PTPRN2: variants seen among roughly 807,000 people sequenced by gnomAD.
The protein encoded by PTPRN2 is protein tyrosine phosphatase receptor type N2.
Under a neutral mutation model 118.8 loss-of-function variants are expected in PTPRN2, and 74 were observed. That is an observed-to-expected ratio of 0.62 (90% CI 0.52 to 0.76). PTPRN2 has a LOEUF of 0.76. Ranked by LOEUF, PTPRN2 falls within the 30% of genes least tolerant of loss-of-function variation. PTPRN2 has a pLI of 0.00. For missense variants in PTPRN2, 1,481 were observed against 1,394.4 expected (o/e 1.06, Z -0.99); for synonymous variants, 641 against 608.0 (o/e 1.05, Z -0.80).
At chr7:158,229,877 C>T (rs2150819649) in intron 3 of PTPRN2, among the ~76,000 whole-genome samples, 1 of 152,080 alleles carries the variant, frequency 6.6e-6, no homozygotes, top group East Asian at 1.9e-4. Context: ...ACATAAACAT[C>T]TAGGTACAGG....
At chr7:157,851,336 A>G (rs1809260507) in intron 12 of PTPRN2, among the ~76,000 whole-genome samples, 1 of 152,258 alleles carries the variant, frequency 6.6e-6, no homozygotes, top group African/African-American at 2.4e-5. Flanking sequence ...CATAACAGGC[A>G]TTTGAACATT....
intron 6 of PTPRN2, among the ~76,000 whole-genome samples, chr7:158,165,346 C>T (rs555985822): frequency 3.2e-4 from 49 of 152,296 alleles, no homozygotes; most frequent in African/African-American, 1.1e-3. Context: ...CCACTCCAGG[C>T]GGGCAGCTCC....
chr7:158,448,422 T>C (rs961963517), intron 2 of PTPRN2, among the ~76,000 whole-genome samples: 1 of 151,638 alleles, frequency 6.6e-6, no homozygotes, highest in Non-Finnish European at 1.5e-5. Flanking sequence ...GTTTCCACAC[T>C]GCTTTCATCA....
At chr7:158,528,613 C>T (rs529245180) in intron 1 of PTPRN2, among the ~76,000 whole-genome samples, 221 of 150,602 alleles carry the variant, frequency 1.5e-3, no homozygotes, top group Non-Finnish European at 2.6e-3. Context: ...GGTGAAACCC[C>T]GTCTCTACTA....
chr7:158,376,657 AT>A, intron 2 of PTPRN2, among the ~76,000 whole-genome samples: 1 of 85,144 alleles, frequency 1.2e-5, no homozygotes, highest in African/African-American at 5.0e-5. Flanking sequence ...CACGTCCTGC[AT>A]GCGGGGTCAG....
intron 11 of PTPRN2, among the ~76,000 whole-genome samples, chr7:157,967,268 C>T (rs1802014512): frequency 6.6e-6 from 1 of 152,196 alleles, no homozygotes; most frequent in Non-Finnish European, 1.5e-5. Context: ...TGTGATTGTG[C>T]CACTGCACTC....
intron 2 of PTPRN2, among the ~76,000 whole-genome samples, chr7:158,435,980 G>A (rs113798078): frequency 6.6e-6 from 1 of 152,144 alleles, no homozygotes; most frequent in South Asian, 2.1e-4. Context: ...CAGGATGAAC[G>A]AGTGCTAGAG....
chr7:157,556,554 T>C (rs1798894962), intron 21 of PTPRN2, among the ~76,000 whole-genome samples: 1 of 147,196 alleles, frequency 6.8e-6, no homozygotes, highest in African/African-American at 2.5e-5. Context: ...CCTCACGTCA[T>C]ACATATGTAC....
intron 2 of PTPRN2, among the ~76,000 whole-genome samples, chr7:158,440,526 TGTG>T (rs771480072): frequency 1.3e-4 from 20 of 150,828 alleles, no homozygotes; most frequent in Non-Finnish European, 2.2e-4. Flanking sequence ...ATAGTGGTGA[TGTG>T]GTAATGATGG....
intron 5 of PTPRN2, among the ~76,000 whole-genome samples, chr7:158,178,158 C>A (rs1039491769): frequency 3.9e-5 from 6 of 152,140 alleles, no homozygotes; most frequent in Admixed American, 2.0e-4. Flanking sequence ...AATTGTCACT[C>A]ATTTATCCTC....
chr7:158,057,561 A>C (rs1389322622), intron 11 of PTPRN2, among the ~76,000 whole-genome samples: 1 of 152,186 alleles, frequency 6.6e-6, no homozygotes, highest in Non-Finnish European at 1.5e-5. Flanking sequence ...AAACACACGT[A>C]ACGCTGTGGC....
intron 10 of PTPRN2, among the ~76,000 whole-genome samples, chr7:158,085,701 T>C (rs1415967654): frequency 2.7e-5 from 2 of 72,910 alleles, no homozygotes; most frequent in African/African-American, 1.3e-4. Flanking sequence ...TCCACACAGA[T>C]ACCCATCCAC....
At chr7:158,393,214 G>T (rs969684808) in intron 2 of PTPRN2, among the ~76,000 whole-genome samples, 2 of 152,306 alleles carry the variant, frequency 1.3e-5, no homozygotes, top group East Asian at 3.9e-4. Context: ...ACCCCACGGC[G>T]TCTTTAAAAA....
At chr7:158,552,873 C>A (rs1763410380) in intron 1 of PTPRN2, among the ~76,000 whole-genome samples, 1 of 152,166 alleles carries the variant, frequency 6.6e-6, no homozygotes, top group Admixed American at 6.5e-5. Flanking sequence ...AGAGAGTGGA[C>A]ACTATCCTCC....
chr7:158,054,725 A>G (rs533106536), intron 11 of PTPRN2, among the ~76,000 whole-genome samples: 1 of 152,178 alleles, frequency 6.6e-6, no homozygotes, highest in East Asian at 1.9e-4. Context: ...ACCTACCCCA[A>G]ACCAAGTCCT....
chr7:157,763,528 G>A lies in PTPRN2; in HGVS notation c.1789-80591C>T, dbSNP rs1442078400. Among the ~76,000 whole-genome samples, 1 of 152,112 alleles carries A rather than the reference G, an allele frequency of 6.6e-6. No individual in the cohort carries two copies. The highest frequency in any genetic ancestry group is 2.4e-5 in the African/African-American group (1 of 41,432). ...GATCCTCTCGGCTGGGTCCCCAGGG[G>A]AGCTGCACACTGAGCCTCCACCTCC... is the stretch of plus-strand genomic sequence containing the variant. On this transcript the variant is annotated intron_variant, in intron 12 of 22. Coordinates refer to ENST00000389418, the MANE Select transcript of PTPRN2 (RefSeq NM_002847.5). The surrounding 1 kb of genome is among the most constrained non-coding windows in gnomAD (Gnocchi z 4.9).
chr7:158,106,843 G>A (rs560890931), intron 10 of PTPRN2, among the ~76,000 whole-genome samples: 1 of 152,216 alleles, frequency 6.6e-6, no homozygotes, highest in African/African-American at 2.4e-5. Flanking sequence ...GAGAGGAAAA[G>A]TCACTTCCCC....
At chr7:158,449,186 TC>T (rs1817928403) in intron 2 of PTPRN2, among the ~76,000 whole-genome samples, 2 of 152,186 alleles carry the variant, frequency 1.3e-5, no homozygotes, top group South Asian at 4.1e-4. Context: ...GTCCGTTTTC[TC>T]CCAGGTCATG....
chr7:158,186,374 G>A lies in PTPRN2; in HGVS notation c.549+5953C>T, dbSNP rs1825137323. 2.6e-5 allele frequency among the ~76,000 whole-genome samples: 4 copies of A among 152,118 alleles called. No homozygotes were observed. In the South Asian group the frequency reaches 8.3e-4, roughly 32 times the overall value. ...GATAGTCTCCTGGCAGATTTCTCCC[G>A]GGGGCTCACTCATGTGGTCGGGGTG... On this transcript the variant is annotated intron_variant, in intron 5 of 22. Transcript: ENST00000389418.
Sources: allele counts gnomAD v4.1 joint callset (sites outside exome capture counted in the v4.1 genomes callset), GRCh38; gene constraint gnomAD v4.1.1; non-coding constraint Gnocchi (gnomAD v3.1); transcripts MANE v1.5; gene names NCBI Gene and HGNC (gene_info 2026-07-23, HGNC 2026-07-21).